The following SMIM7 variants were observed in gnomAD, a reference collection of about 807,000 sequenced individuals.
SMIM7 encodes the protein UPF0608 protein C19orf42.
In SMIM7, 12 loss-of-function variants were observed where a neutral mutation model predicts 13.3. The observed-to-expected ratio is 0.90, with a 90% CI of 0.58 to 1.46. The LOEUF is 1.46. SMIM7 is among the 40% of genes most tolerant of loss of function. The probability of loss-of-function intolerance (pLI) is 0.00; values close to 1 mark genes in which losing one functional copy is unlikely to be tolerated. For missense variants in SMIM7, 114 were observed against 94.8 expected, an observed-to-expected ratio of 1.20 and a Z score of -0.84; for synonymous variants, 36 against 35.8, an observed-to-expected ratio of 1.01 and a Z score of -0.02.
At chr19:16,645,594 A>G (rs889397637), downstream of SMIM7, 1 of 151,684 alleles carries the variant, frequency 6.6e-6, no homozygotes, top group Non-Finnish European at 1.5e-5. Context: ...GCAAGAGCCC[A>G]CCATTAGCAA....
rs1555703285 is a variant in SMIM7 at position 16,635,899 on chromosome 19, A to ATATATATAT, written c.*138-4176_*138-4175insATATATATA. On this transcript the variant is annotated intron_variant and NMD_transcript_variant, in intron 4 of 4. Transcript: ENST00000465250. ...ACCCTGTCTCAAAAAAAAAAAAAAA[A>ATATATATAT]ATATATATATATATATATATATATG... is the stretch of plus-strand genomic sequence containing the variant. 1.1e-3 allele frequency among the ~76,000 whole-genome samples: 121 copies of ATATATATAT among 109,558 alleles called. 1 individual carries two copies. The highest frequency in any genetic ancestry group is 5.0e-3 in the African/African-American group (115 of 23,136). The allele number at this position is 109,558 out of a possible 152,430, so 71.9% of individuals were successfully genotyped here. A position where few individuals can be genotyped will look rare whatever the true frequency, so the allele number is the denominator to read the frequency against.
downstream of SMIM7, among the ~76,000 whole-genome samples, chr19:16,643,388 G>A (rs2086419061): frequency 6.6e-6 from 1 of 152,128 alleles, no homozygotes; most frequent in African/African-American, 2.4e-5. Flanking sequence ...CAATGAATAT[G>A]CATTAGTAGT....
rs1356452228 is a variant in SMIM7, at chr19:16,646,267, A to AG, written c.*978dup. On this transcript the variant is annotated 3_prime_UTR_variant, in exon 5 of 5. Transcript: ENST00000487416. ...AGGATTTCAAAAACCACCAACATTC[A>AG]GGCTCATTCTTATTGGTATAAACAA... is the stretch of plus-strand genomic sequence containing the variant. 2 of 152,144 alleles carry AG rather than the reference A, an allele frequency of 1.3e-5. No homozygotes were observed. The highest frequency in any genetic ancestry group is 2.9e-5 in the Non-Finnish European group (2 of 68,026). 9.4% of individuals were successfully genotyped at this position (152,144 alleles called of 1,614,324 possible).
At position 16,652,975 on chromosome 19, in the gene SMIM7, G is replaced by A. The variant is rs998016548; in HGVS notation, c.212+1060C>T. 3.2e-6 allele frequency: 5 copies of A among 1,549,688 alleles called. No individual in the cohort carries two copies. The African/African-American group carries it at 6.9e-5, about 21-fold the overall frequency. On this transcript the variant is annotated intron_variant, in intron 4 of 4. Coordinates refer to ENST00000487416, the MANE Select transcript of SMIM7 (RefSeq NM_024104.4). ...AGTTTTCTCAGCCTAATGAGAAAATGAAAAGCCAGAATTTAAAACAATAAA... is the reference window on the plus strand; with the variant it reads ...AGTTTTCTCAGCCTAATGAGAAAATAAAAAGCCAGAATTTAAAACAATAAA...
chr19:16,641,957 T>C (rs1180722945), downstream of SMIM7, among the ~76,000 whole-genome samples: 1 of 152,186 alleles, frequency 6.6e-6, no homozygotes, highest in African/African-American at 2.4e-5. Context: ...ACTCCTGCCC[T>C]AGAGCAGATG....
At chr19:16,634,849 T>C (rs569752181) in intron 4 of SMIM7, 3 of 146,074 alleles carry the variant, frequency 2.1e-5, no homozygotes, top group East Asian at 4.0e-4. Flanking sequence ...CGTGCGTACA[T>C]GTAAATGTCC....
chr19:16,657,590 T>C (rs1042167808), intron 3 of SMIM7, among the ~76,000 whole-genome samples: 1 of 152,244 alleles, frequency 6.6e-6, no homozygotes, highest in Non-Finnish European at 1.5e-5. Flanking sequence ...GCCACATCTC[T>C]GACCCTCAGT....
chr19:16,633,971 C>T (rs1478535057), intron 4 of SMIM7: 2 of 152,056 alleles, frequency 1.3e-5, no homozygotes, highest in African/African-American at 4.8e-5. Flanking sequence ...CTGCATTTTC[C>T]GGCATTCATA....
chr19:16,653,886 T>G, intron 4 of SMIM7, 149 bp downstream of exon 4: 1 of 676,908 alleles, frequency 1.5e-6, no homozygotes, highest in African/African-American at 1.8e-5. Flanking sequence ...CAGAGCAAGA[T>G]TCCATCTCAA....
At chr19:16,659,706 C>A in intron 2 of SMIM7, 1 of 651,782 alleles carries the variant, frequency 1.5e-6, no homozygotes, top group Non-Finnish European at 2.6e-6. Flanking sequence ...GGGGCTATTT[C>A]TTGGGGGATG....
chr19:16,658,945 T>G (rs1308673727), intron 3 of SMIM7, among the ~76,000 whole-genome samples: 2 of 151,592 alleles, frequency 1.3e-5, no homozygotes, highest in Non-Finnish European at 2.9e-5. Context: ...ATGACAGAGG[T>G]AGGCAGAAAG....
chr19:16,645,590 G>A (rs145725298), downstream of SMIM7: 14 of 151,700 alleles, frequency 9.2e-5, no homozygotes, highest in East Asian at 2.3e-3. Flanking sequence ...TCTAGCAAGA[G>A]CCCACCATTA....
At chr19:16,638,775 C>T (rs2086379966) in intron 4 of SMIM7, 1 of 152,200 alleles carries the variant, frequency 6.6e-6, no homozygotes, top group Non-Finnish European at 1.5e-5. Context: ...GTGACAACTA[C>T]TGAGTGGCTG....
intron 4 of SMIM7, chr19:16,640,497 G>A (rs1357567730): frequency 6.6e-6 from 1 of 152,232 alleles, no homozygotes; most frequent in African/African-American, 2.4e-5. Flanking sequence ...AAAAGAAAAT[G>A]CCTTGCTAAT....
chr19:16,634,888 C>G (rs534924635), intron 4 of SMIM7: 2 of 150,860 alleles, frequency 1.3e-5, no homozygotes, highest in African/African-American at 4.9e-5. Context: ...ATAGCCATAA[C>G]GTGCAGACAA....
At chr19:16,641,561 G>C (rs2086404144), downstream of SMIM7, 1 of 152,304 alleles carries the variant, frequency 6.6e-6, no homozygotes, top group Admixed American at 6.6e-5. Flanking sequence ...GCCTCCCAAA[G>C]TGCTAGGATT....
At chr19:16,650,743 G>A (rs965771811) in intron 4 of SMIM7, among the ~76,000 whole-genome samples, 16 of 151,106 alleles carry the variant, frequency 1.1e-4, no homozygotes, top group African/African-American at 3.4e-4. Context: ...ATAGGCACAC[G>A]GAATATTGAA....
chr19:16,653,792 G>A (rs1029533177), intron 4 of SMIM7: 1 of 485,090 alleles, frequency 2.1e-6, no homozygotes. Flanking sequence ...TTACTCGGGA[G>A]GCTGAGGCAG....
downstream of SMIM7, chr19:16,645,952 G>A (rs1568300885): frequency 1.3e-5 from 2 of 151,930 alleles, no homozygotes; most frequent in African/African-American, 2.4e-5. Context: ...ATGAGCCACT[G>A]CGCGCAGCCC....
Sources: gnomAD v4.1 joint callset for allele counts (sites outside exome capture counted in the v4.1 genomes callset) on GRCh38, gnomAD v4.1.1 for gene constraint, MANE v1.5 for transcripts, NCBI Gene and HGNC (gene_info 2026-07-23, HGNC 2026-07-21) for gene names.